NKAIN1: variants seen among roughly 807,000 people sequenced by gnomAD.
NKAIN1 encodes the protein sodium/potassium-transporting ATPase subunit beta-1-interacting protein 1.
A neutral mutation model predicts 31.6 loss-of-function variants in NKAIN1; 13 were observed. The observed-to-expected ratio is 0.41, with a 90% confidence interval of 0.27 to 0.65. The LOEUF (loss-of-function observed/expected upper bound fraction) is 0.65, where lower values mean the gene tolerates loss of function less well. Among genes scored for constraint, NKAIN1 ranks in the 30% least tolerant of loss-of-function variants. The pLI is 0.30. For synonymous variants in NKAIN1, 104 were observed against 109.0 expected, an observed-to-expected ratio of 0.95 and a Z score of 0.28; for missense variants, 193 against 262.2, an observed-to-expected ratio of 0.74 and a Z score of 1.82.
intron 1 of NKAIN1, among the ~76,000 whole-genome samples, chr1:31,201,888 G>T (rs937167726): frequency 2.6e-5 from 4 of 152,178 alleles, no homozygotes; most frequent in Non-Finnish European, 4.4e-5. Context: ...CTTCCACCCT[G>T]GAGGGGTAAT....
chr1:31,208,181 T>G (rs1645438722), intron 1 of NKAIN1, among the ~76,000 whole-genome samples: 1 of 152,146 alleles, frequency 6.6e-6, no homozygotes, highest in South Asian at 2.1e-4. Flanking sequence ...CTCTGGCAAG[T>G]GTTTAAATCT....
chr1:31,196,654 C>T (rs1055232538), intron 1 of NKAIN1, among the ~76,000 whole-genome samples: 4 of 151,854 alleles, frequency 2.6e-5, no homozygotes, highest in African/African-American at 9.7e-5. Context: ...CAAGATCACA[C>T]CACTGCACTC....
At chr1:31,201,931 C>A (rs901488958) in intron 1 of NKAIN1, among the ~76,000 whole-genome samples, 2 of 152,220 alleles carry the variant, frequency 1.3e-5, no homozygotes, top group African/African-American at 4.8e-5. Flanking sequence ...CCTGGACCCC[C>A]AATCCCCTGA....
chr1:31,210,653 A>G (rs10753244), intron 1 of NKAIN1, among the ~76,000 whole-genome samples: 102,246 of 152,126 alleles, frequency 0.67, 35,259 homozygotes, highest in Middle Eastern at 0.86. Flanking sequence ...TAGGTCACTC[A>G]ACACAGCTGA....
chr1:31,227,534 G>T (rs1645617183), intron 1 of NKAIN1, among the ~76,000 whole-genome samples: 1 of 152,188 alleles, frequency 6.6e-6, no homozygotes, highest in South Asian at 2.1e-4. Flanking sequence ...GCAGAATGAG[G>T]TGGGTCATAA....
At chr1:31,207,230 G>C (rs1324686846) in intron 1 of NKAIN1, among the ~76,000 whole-genome samples, 1 of 152,174 alleles carries the variant, frequency 6.6e-6, no homozygotes, top group Non-Finnish European at 1.5e-5. Context: ...ATACTTATTA[G>C]CTGTGTGACC....
intron 1 of NKAIN1, among the ~76,000 whole-genome samples, chr1:31,224,307 G>A (rs907032298): frequency 6.6e-6 from 1 of 152,250 alleles, no homozygotes; most frequent in Non-Finnish European, 1.5e-5. Flanking sequence ...TAAATGAACA[G>A]GGAGGAAGCG....
intron 1 of NKAIN1, among the ~76,000 whole-genome samples, chr1:31,217,150 G>A (rs1570471443): frequency 6.6e-6 from 1 of 152,194 alleles, no homozygotes; most frequent in East Asian, 1.9e-4. Context: ...ACAGGCATGA[G>A]CCACCGTGCC....
chr1:31,216,208 T>A (rs1645510712), intron 1 of NKAIN1, among the ~76,000 whole-genome samples: 1 of 151,898 alleles, frequency 6.6e-6, no homozygotes, highest in South Asian at 2.1e-4. Flanking sequence ...GGCGGCTGGT[T>A]GGATCTGTTG....
chr1:31,186,403 T>TTG (rs1553161684), intron 2 of NKAIN1, among the ~76,000 whole-genome samples: 3 of 148,700 alleles, frequency 2.0e-5, no homozygotes, highest in East Asian at 3.9e-4. Flanking sequence ...TGTTTTTTTT[T>TTG]TTTTTTTTTT....
At chr1:31,183,692 C>T (rs1570447857) in intron 4 of NKAIN1, 125 bp downstream of exon 4, 4 of 996,270 alleles carry the variant, frequency 4.0e-6, no homozygotes, top group East Asian at 2.4e-5. Flanking sequence ...AGGTGATCCA[C>T]CAGCCATGGC....
chr1:31,220,171 C>A (rs1183063449), intron 1 of NKAIN1, among the ~76,000 whole-genome samples: 5 of 89,526 alleles, frequency 5.6e-5, no homozygotes, highest in Non-Finnish European at 6.2e-5. Flanking sequence ...CCACGCCCAG[C>A]TAATTTTTTT....
chr1:31,203,285 AAAAT>A (rs1356853830), intron 1 of NKAIN1, among the ~76,000 whole-genome samples: 2 of 152,062 alleles, frequency 1.3e-5, no homozygotes, highest in African/African-American at 2.4e-5. Context: ...AAAATAAAAT[AAAAT>A]AAATAAAAAA....
At chr1:31,228,822 C>T (rs1645626938) in intron 1 of NKAIN1, among the ~76,000 whole-genome samples, 2 of 151,938 alleles carry the variant, frequency 1.3e-5, no homozygotes, top group Non-Finnish European at 1.5e-5. Flanking sequence ...TCTTGAACTC[C>T]GGGCCTCAAG....
intron 1 of NKAIN1, among the ~76,000 whole-genome samples, chr1:31,200,174 C>A (rs1402774697): frequency 1.3e-5 from 2 of 152,226 alleles, no homozygotes; most frequent in African/African-American, 2.4e-5. Flanking sequence ...TCTATCCCAG[C>A]CCGGATCCCA....
chr1:31,196,741 TAAA>T (rs1172215753), intron 1 of NKAIN1, among the ~76,000 whole-genome samples: 2 of 144,674 alleles, frequency 1.4e-5, no homozygotes, highest in South Asian at 4.4e-4. Context: ...AATAAATAAA[TAAA>T]TAATAAATTC....
chr1:31,238,326 A>C (rs915830114), intron 1 of NKAIN1, among the ~76,000 whole-genome samples: 1 of 152,212 alleles, frequency 6.6e-6, no homozygotes, highest in Non-Finnish European at 1.5e-5. Flanking sequence ...TGATGGATGC[A>C]GGCAAGAGTG....
intron 1 of NKAIN1, among the ~76,000 whole-genome samples, chr1:31,196,354 A>T (rs1199205137): frequency 6.6e-6 from 1 of 152,104 alleles, no homozygotes; most frequent in Non-Finnish European, 1.5e-5. Context: ...TCTACTAAAA[A>T]TACAAAAAAT....
rs1196675715 is a variant in NKAIN1 at position 31,180,330 on chromosome 1, C to G, written c.*1373G>C. ...ACCTGATCCTCTCTCTATGGACGCA[C>G]CAGGCAGTGCGTGGGATGCAGCGTC... On this transcript the variant is annotated 3_prime_UTR_variant, in exon 7 of 7. Coordinates refer to ENST00000373736, the MANE Select transcript of NKAIN1 (RefSeq NM_024522.3). 6.6e-6 allele frequency: 1 copy of G among 152,242 alleles called. No homozygotes were observed. The highest frequency in any genetic ancestry group is 1.5e-5 in the Non-Finnish European group (1 of 68,082). The allele number at this position is 152,242 out of a possible 1,614,324, so 9.4% of individuals were successfully genotyped here.
Sources: allele counts gnomAD v4.1 joint callset (sites outside exome capture counted in the v4.1 genomes callset), GRCh38; gene constraint gnomAD v4.1.1; transcripts MANE v1.5; gene names NCBI Gene and HGNC (gene_info 2026-07-23, HGNC 2026-07-21).